CHST3: variants seen among roughly 807,000 people sequenced by gnomAD.
CHST3 encodes C6ST-1.
In CHST3, 20 loss-of-function variants were observed where a neutral mutation model predicts 35.4. The ratio of observed to expected loss-of-function variants is 0.57; its 90% CI spans 0.40 to 0.82. CHST3 has a LOEUF of 0.82. Among genes scored for constraint, CHST3 ranks in the 40% least tolerant of loss-of-function variants. The probability of loss-of-function intolerance (pLI) is 0.00; values close to 1 mark genes in which losing one functional copy is unlikely to be tolerated. For missense variants in CHST3, 693 were observed against 670.1 expected, an observed-to-expected ratio of 1.03 and a Z score of -0.38; for synonymous variants, 334 against 295.9, an observed-to-expected ratio of 1.13 and a Z score of -1.32.
Position 72,005,895 on chromosome 10 carries a change from TGAAGATGA to T in CHST3, c.58_65del (p.Met20GlnfsTer21). The stretch of plus-strand genomic sequence containing the variant: ...GACTGCCGGGACTTTGTGCACAGCC[TGAAGATGA>T]GAAGCAAATACGCCCTTTTCTTGGT... On this transcript the variant is annotated frameshift_variant, in exon 2 of 3. Transcript: ENST00000373115. LOFTEE classifies it high-confidence loss of function. 1 of 1,614,254 alleles carries T rather than the reference TGAAGATGA, an allele frequency of 6.2e-7. No homozygotes were observed. Among genetic ancestry groups the T allele is most frequent in the Non-Finnish European group, 8.5e-7 (1 of 1,180,048 alleles).
Position 71,981,761 on chromosome 10 carries a change from G to A in CHST3, c.-108+17067G>A, listed in dbSNP as rs117309276. 5.2e-3 allele frequency among the ~76,000 whole-genome samples: 796 copies of A among 152,348 alleles called. 1 individual carries two copies. The highest frequency in any genetic ancestry group is 0.01 in the Middle Eastern group (3 of 294). ...AGGTTTGGTGCTAAGTAGCTGTGGG[G>A]AATAAGAATAACTGCTGACATGAAT... is the stretch of plus-strand genomic sequence containing the variant. On this transcript the variant is annotated intron_variant, in intron 1 of 2. Transcript: ENST00000373115.
intron 1 of CHST3, among the ~76,000 whole-genome samples, chr10:72,004,710 C>G (rs904664561): frequency 3.3e-5 from 5 of 152,128 alleles, no homozygotes; most frequent in Non-Finnish European, 5.9e-5. Context: ...ATATTTTCTT[C>G]CCGGCATTTG....
At chr10:71,969,928 G>A (rs1426254580) in intron 1 of CHST3, among the ~76,000 whole-genome samples, 2 of 152,192 alleles carry the variant, frequency 1.3e-5, no homozygotes, top group Admixed American at 1.3e-4. Context: ...CTCAGGAGAG[G>A]AGACACTTCT....
At chr10:71,992,167 CTTTT>C (rs1412656588) in intron 1 of CHST3, among the ~76,000 whole-genome samples, 1 of 151,928 alleles carries the variant, frequency 6.6e-6, no homozygotes, top group Non-Finnish European at 1.5e-5. Flanking sequence ...TTCTTTCTTT[CTTTT>C]TATTTTTTTT....
In CHST3 at chr10:71,994,485, C is replaced by T. The variant is rs552131039; in HGVS notation, c.-107-11251C>T. Among the ~76,000 whole-genome samples, 50 of 152,258 alleles carry T rather than the reference C, an allele frequency of 3.3e-4. No individual in the cohort carries two copies. In the South Asian group the frequency reaches 3.3e-3, roughly 10 times the overall value. On this transcript the variant is annotated intron_variant, in intron 1 of 2. Coordinates refer to ENST00000373115, the MANE Select transcript of CHST3 (RefSeq NM_004273.5). ...AGTGGGCTTAAAATATTGAATAAATCATACTGTAAACAGATATGCTGTCAT... is the reference window on the plus strand; with the variant it reads ...AGTGGGCTTAAAATATTGAATAAATTATACTGTAAACAGATATGCTGTCAT...
chr10:71,985,185 G>A (rs138675142), intron 1 of CHST3, among the ~76,000 whole-genome samples: 142 of 152,320 alleles, frequency 9.3e-4, no homozygotes, highest in Non-Finnish European at 1.9e-3. Context: ...ATGCTTGGCC[G>A]ACCCCCTGAC....
At chr10:71,977,968 A>C (rs899494738) in intron 1 of CHST3, among the ~76,000 whole-genome samples, 1 of 152,204 alleles carries the variant, frequency 6.6e-6, no homozygotes, top group African/African-American at 2.4e-5. Flanking sequence ...AGCATTCAGC[A>C]ATAGTAACAG....
At chr10:71,973,001 T>C (rs895440953) in intron 1 of CHST3, among the ~76,000 whole-genome samples, 1 of 152,236 alleles carries the variant, frequency 6.6e-6, no homozygotes, top group African/African-American at 2.4e-5. Context: ...TCCATCCTTG[T>C]AGCCCCCGAC....
intron 1 of CHST3, among the ~76,000 whole-genome samples, chr10:71,967,542 A>G (rs1391443288): frequency 2.0e-5 from 3 of 152,212 alleles, no homozygotes; most frequent in African/African-American, 7.2e-5. Flanking sequence ...TTCATGGTAT[A>G]TATGTACCAC....
intron 1 of CHST3, among the ~76,000 whole-genome samples, chr10:71,988,679 C>T (rs764283079): frequency 6.6e-6 from 1 of 152,146 alleles, no homozygotes; most frequent in Non-Finnish European, 1.5e-5. Flanking sequence ...TTATAAATTA[C>T]CCAGTCTCAG....
chr10:71,989,302 C>T lies in CHST3; in HGVS notation c.-107-16434C>T, dbSNP rs115383315. 2.6e-3 allele frequency among the ~76,000 whole-genome samples: 395 copies of T among 152,180 alleles called. 2 individuals are homozygous for T. Among genetic ancestry groups the T allele is most frequent in the African/African-American group, 9.2e-3 (384 of 41,522 alleles). On this transcript the variant is annotated intron_variant, in intron 1 of 2. Transcript: ENST00000373115. ...TCCAAAAAGCTTTTTTTAAAAATAG[C>T]GAGGTGTGGTGGCACATGCCTGTGA...
In CHST3 at chr10:72,010,439, G is replaced by A. The variant is rs1840098013; in HGVS notation, c.*1968G>A. 1 of 152,138 alleles carries A rather than the reference G, an allele frequency of 6.6e-6. No homozygotes were observed. Among genetic ancestry groups the A allele is most frequent in the Admixed American group, 6.5e-5 (1 of 15,290 alleles). The allele number at this position is 152,138 out of a possible 1,614,324, so 9.4% of individuals were successfully genotyped here. Reference sequence around the variant, plus strand: ...GATCTGAGTCCAACATTGCCATGGGGGAGGGAAGAGTGTGTCCTGGCAGGA... The same window carrying A: ...GATCTGAGTCCAACATTGCCATGGGAGAGGGAAGAGTGTGTCCTGGCAGGA... On this transcript the variant is annotated 3_prime_UTR_variant, in exon 3 of 3. Coordinates refer to ENST00000373115, the MANE Select transcript of CHST3 (RefSeq NM_004273.5).
In CHST3 at chr10:72,011,455, G is replaced by A. The variant is rs1840109606; in HGVS notation, c.*2984G>A. On this transcript the variant is annotated 3_prime_UTR_variant, in exon 3 of 3. Coordinates refer to ENST00000373115, the MANE Select transcript of CHST3 (RefSeq NM_004273.5). ...TATGGATATGGTTGGAGTCACCCAT[G>A]TGGATATGATTTTCAGCTTGGAGCT... is the stretch of plus-strand genomic sequence containing the variant. The A allele has an allele frequency of 6.6e-6, 1 of 152,290 alleles. No homozygotes were observed. Among genetic ancestry groups the A allele is most frequent in the African/African-American group, 2.4e-5 (1 of 41,472 alleles). 9.4% of individuals were successfully genotyped at this position (152,290 alleles called of 1,614,324 possible). A position where few individuals can be genotyped will look rare whatever the true frequency, so the allele number is the denominator to read the frequency against.
At chr10:71,971,236 G>A (rs545177206) in intron 1 of CHST3, among the ~76,000 whole-genome samples, 10 of 152,310 alleles carry the variant, frequency 6.6e-5, no homozygotes, top group African/African-American at 2.2e-4. Flanking sequence ...GGGGAGTGGG[G>A]CACTGCTGGA....
intron 1 of CHST3, among the ~76,000 whole-genome samples, chr10:72,002,732 CCT>C (rs1840005187): frequency 6.6e-6 from 1 of 152,206 alleles, no homozygotes; most frequent in South Asian, 2.1e-4. Context: ...TGGTTCTCAC[CCT>C]GTCAGTGGGG....
Position 72,007,125 on chromosome 10 carries a change from C to G in CHST3, c.141-47C>G, listed in dbSNP as rs375092999. The G allele has an allele frequency of 2.5e-6, 4 of 1,602,572 alleles. No homozygotes were observed. In the African/African-American group the frequency reaches 5.4e-5, roughly 21 times the overall value. ...GGACTGCTTAGGGTTGCCCAGGAGA[C>G]GGGGTCCCCAGTCAGCCACTGACCC... On this transcript the variant is annotated intron_variant, in intron 2 of 2. Transcript: ENST00000373115.
chr10:72,005,833 A>G lies in CHST3; in HGVS notation c.-10A>G. ...TGGCCCGAGGAGCCCCCACGGCCCC[A>G]CCTTTCCCCATGGAGAAAGGACTCA... is the stretch of plus-strand genomic sequence containing the variant. On this transcript the variant is annotated 5_prime_UTR_variant, in exon 2 of 3. Transcript: ENST00000373115. The G allele has an allele frequency of 6.2e-7, 1 of 1,614,156 alleles. No individual in the cohort carries two copies. The highest frequency in any genetic ancestry group is 8.5e-7 in the Non-Finnish European group (1 of 1,180,026).
intron 1 of CHST3, among the ~76,000 whole-genome samples, chr10:71,979,119 G>T (rs1048379165): frequency 1.3e-5 from 2 of 152,330 alleles, no homozygotes; most frequent in East Asian, 3.9e-4. Flanking sequence ...AAGGTGAAAA[G>T]TGATATGAAT....
chr10:72,004,504 A>G (rs909178293), intron 1 of CHST3, among the ~76,000 whole-genome samples: 2 of 152,118 alleles, frequency 1.3e-5, no homozygotes, highest in African/African-American at 2.4e-5. Context: ...ATGCGCTATG[A>G]TATTTTTTTC....
Sources: allele counts gnomAD v4.1 joint callset (sites outside exome capture counted in the v4.1 genomes callset), GRCh38; gene constraint gnomAD v4.1.1; transcripts MANE v1.5; gene names NCBI Gene and HGNC (gene_info 2026-07-23, HGNC 2026-07-21).